KLF12: variants seen among roughly 807,000 people sequenced by gnomAD.
The protein encoded by KLF12 is KLF transcription factor 12, also known as Krueppel-like factor 12.
In KLF12, 9 loss-of-function variants were observed where a neutral mutation model predicts 37.8. That is an observed-to-expected ratio of 0.24 (90% CI 0.14 to 0.42). The LOEUF (loss-of-function observed/expected upper bound fraction) is 0.42, where lower values mean the gene tolerates loss of function less well. Among genes scored for constraint, KLF12 ranks in the 10% least tolerant of loss-of-function variants. KLF12 has a pLI of 1.00. For missense variants in KLF12, 411 were observed against 516.0 expected (o/e 0.80, Z 1.97); for synonymous variants, 208 against 202.1 (o/e 1.03, Z -0.25).
At chr13:73,883,625 A>C (rs1273087061) in intron 3 of KLF12, among the ~76,000 whole-genome samples, 1 of 152,174 alleles carries the variant, frequency 6.6e-6, no homozygotes, top group Admixed American at 6.6e-5. Context: ...AATTATTTGC[A>C]AAGCTTTGGG....
intron 3 of KLF12, among the ~76,000 whole-genome samples, chr13:73,939,134 A>G: frequency 6.6e-6 from 1 of 152,176 alleles, no homozygotes; most frequent in East Asian, 1.9e-4. Context: ...CAATGGCTTC[A>G]ACACCCTTGC....
chr13:74,044,636 G>A (rs1300160292), intron 1 of KLF12, among the ~76,000 whole-genome samples: 1 of 152,222 alleles, frequency 6.6e-6, no homozygotes, highest in East Asian at 1.9e-4. Context: ...CACGAGGTCA[G>A]GAGATCGAGA....
chr13:74,258,280 G>A, the KLF12 span: 2 of 151,904 alleles, frequency 1.3e-5, no homozygotes, highest in African/African-American at 4.8e-5. Context: ...AGTTGAACTT[G>A]GCAGAGAGAA....
chr13:74,205,444 C>G, the KLF12 span, among the ~76,000 whole-genome samples: 3 of 152,114 alleles, frequency 2.0e-5, no homozygotes, highest in Non-Finnish European at 4.4e-5. Flanking sequence ...GGGAGAGGCT[C>G]CTCTTGGCAC....
the KLF12 span, among the ~76,000 whole-genome samples, chr13:74,170,231 T>A: frequency 6.6e-6 from 1 of 152,214 alleles, no homozygotes; most frequent in African/African-American, 2.4e-5. Flanking sequence ...ATGGTTTTCA[T>A]GGGAAATAAT....
At chr13:74,264,023 G>C in the KLF12 span, among the ~76,000 whole-genome samples, 1 of 152,096 alleles carries the variant, frequency 6.6e-6, no homozygotes, top group East Asian at 1.9e-4. Flanking sequence ...AGGAAGTCTG[G>C]GATTGTACCT....
intron 1 of KLF12, among the ~76,000 whole-genome samples, chr13:74,036,380 C>G (rs1893246406): frequency 6.6e-6 from 1 of 152,012 alleles, no homozygotes; most frequent in Admixed American, 6.6e-5. Context: ...AGGCTATGTA[C>G]CAAAAAAATG....
chr13:73,768,410 A>C (rs2025425), intron 5 of KLF12, among the ~76,000 whole-genome samples: 117,960 of 152,090 alleles, frequency 0.78, 45,884 homozygotes, highest in South Asian at 0.9. Context: ...GATTACAAAT[A>C]TGCTCTACAG....
chr13:73,998,774 C>T (rs1368045396), intron 1 of KLF12, among the ~76,000 whole-genome samples: 1 of 152,206 alleles, frequency 6.6e-6, no homozygotes, highest in Non-Finnish European at 1.5e-5. Flanking sequence ...ATTTCTGTTT[C>T]ATCTGTCACA....
At chr13:74,051,068 G>GT (rs1425098267) in intron 1 of KLF12, among the ~76,000 whole-genome samples, 1 of 152,080 alleles carries the variant, frequency 6.6e-6, no homozygotes, top group African/African-American at 2.4e-5. Flanking sequence ...AAAGGGAACC[G>GT]TTTTACACTG....
intron 2 of KLF12, chr13:73,960,453 G>A (rs905526937): frequency 1.7e-4 from 37 of 221,524 alleles, no homozygotes; most frequent in African/African-American, 7.2e-4. Flanking sequence ...AGTTCAAAAT[G>A]TGAGGCAAAA....
chr13:73,763,419 A>C (rs1207738470), intron 6 of KLF12, among the ~76,000 whole-genome samples: 3 of 152,196 alleles, frequency 2.0e-5, no homozygotes, highest in Non-Finnish European at 4.4e-5. Context: ...GGGACTGTAA[A>C]TAAATGTTGC....
intron 1 of KLF12, among the ~76,000 whole-genome samples, chr13:73,996,100 G>GCAGGA (rs1478905446): frequency 3.3e-5 from 5 of 152,258 alleles, no homozygotes; most frequent in African/African-American, 1.2e-4. Context: ...AAGCTCCATA[G>GCAGGA]GCTTGACCAG....
intron 3 of KLF12, among the ~76,000 whole-genome samples, chr13:73,847,819 A>G (rs1885107859): frequency 6.6e-6 from 1 of 152,176 alleles, no homozygotes. Flanking sequence ...AGACATTTAA[A>G]AAACAAAGAA....
At chr13:73,906,406 A>G (rs1888298784) in intron 3 of KLF12, among the ~76,000 whole-genome samples, 1 of 151,976 alleles carries the variant, frequency 6.6e-6, no homozygotes, top group Admixed American at 6.6e-5. Context: ...TCTTACATAT[A>G]TTTTCCAGTT....
intron 6 of KLF12, among the ~76,000 whole-genome samples, chr13:73,733,313 T>TC (rs368846176): frequency 5.5e-4 from 84 of 152,268 alleles, no homozygotes; most frequent in African/African-American, 2.0e-3. Flanking sequence ...CCCTGACCCC[T>TC]CCCTTCCTTT....
intron 1 of KLF12, among the ~76,000 whole-genome samples, chr13:74,075,475 T>C (rs1448205740): frequency 1.3e-5 from 2 of 152,204 alleles, no homozygotes; most frequent in African/African-American, 2.4e-5. Context: ...CCAGATTAAA[T>C]TACCCATTAA....
chr13:73,996,838 C>T (rs1183538298), intron 1 of KLF12, among the ~76,000 whole-genome samples: 1 of 152,146 alleles, frequency 6.6e-6, no homozygotes, highest in Non-Finnish European at 1.5e-5. Flanking sequence ...GTAACCTCAT[C>T]CTACACTACC....
chr13:74,276,109 C>T, the KLF12 span, among the ~76,000 whole-genome samples: 11 of 151,666 alleles, frequency 7.3e-5, no homozygotes, highest in Non-Finnish European at 1.5e-4. Flanking sequence ...AGTATTTGTC[C>T]TAATGCTCTC....
Sources: gnomAD v4.1 joint callset for allele counts (sites outside exome capture counted in the v4.1 genomes callset) on GRCh38, gnomAD v4.1.1 for gene constraint, MANE v1.5 for transcripts, NCBI Gene and HGNC (gene_info 2026-07-23, HGNC 2026-07-21) for gene names.